Variants in BRWD1 observed in about 807,000 individuals in gnomAD.
BRWD1 encodes bromodomain and WD repeat domain containing 1.
A neutral mutation model predicts 251.2 loss-of-function variants in BRWD1; 82 were observed. That is an observed-to-expected ratio of 0.33 (90% CI 0.27 to 0.39). The LOEUF is 0.39. Ranked by LOEUF, BRWD1 falls within the 10% of genes least tolerant of loss-of-function variation. The pLI is 1.00. For synonymous variants in BRWD1, 918 were observed against 902.8 expected, an observed-to-expected ratio of 1.02 and a Z score of -0.30; for missense variants, 2,233 against 2,711.6, an observed-to-expected ratio of 0.82 and a Z score of 3.92.
intron 37 of BRWD1, among the ~76,000 whole-genome samples, chr21:39,205,677 C>G (rs1471922766): frequency 6.6e-6 from 1 of 152,154 alleles, no homozygotes; most frequent in African/African-American, 2.4e-5. Flanking sequence ...GAGGCTGAGG[C>G]AGGAGAACTG....
chr21:39,237,944 A>G (rs1380320994), intron 22 of BRWD1, among the ~76,000 whole-genome samples: 1 of 152,188 alleles, frequency 6.6e-6, no homozygotes, highest in Non-Finnish European at 1.5e-5. Context: ...GGTTTGAACC[A>G]AACAGTACCA....
At chr21:39,253,286 CAAAAAAAAAAAAA>C (rs57456792) in intron 19 of BRWD1, among the ~76,000 whole-genome samples, 5 of 83,808 alleles carry the variant, frequency 6.0e-5, no homozygotes, top group Admixed American at 2.9e-4. Context: ...GAAACTGTCT[CAAAAAAAAAAAAA>C]AAAAAAAAAA....
At chr21:39,266,360 T>TTCACCCACATGGTC (rs1342589229) in intron 15 of BRWD1, among the ~76,000 whole-genome samples, 2 of 152,174 alleles carry the variant, frequency 1.3e-5, no homozygotes, top group Non-Finnish European at 2.9e-5. Flanking sequence ...AGAACATGGT[T>TTCACCCACATGGTC]TCACCCACAT....
In BRWD1 at chr21:39,258,745, T is replaced by C. The variant is rs1393109149; in HGVS notation, c.1886-73A>G. The C allele has an allele frequency of 4.0e-6, 4 of 995,274 alleles. No individual in the cohort carries two copies. In the East Asian group the frequency reaches 8.5e-5, roughly 21 times the overall value. The allele number at this position is 995,274 out of a possible 1,614,324, so 61.7% of individuals were successfully genotyped here. Reference sequence around the variant, plus strand: ...AAAAAAAATTTCGTTAGGGTACAAATTAAAATACATTAACAATGGTCAGAA... The same window carrying C: ...AAAAAAAATTTCGTTAGGGTACAAACTAAAATACATTAACAATGGTCAGAA... On this transcript the variant is annotated intron_variant, in intron 17 of 40. Coordinates refer to ENST00000342449, the MANE Select transcript of BRWD1 (RefSeq NM_033656.4).
In BRWD1 at chr21:39,196,823, C is replaced by A; in HGVS notation, c.6246G>T (p.Glu2082Asp). The change falls in exon 41 of 41, where the codon GAG becomes GAT. Residue 2082 changes from glutamate (E) to aspartate (D), a missense_variant. Coordinates refer to ENST00000342449, the MANE Select transcript of BRWD1 (RefSeq NM_033656.4). ...AATTCAGTTCCACTTCAAAATTATTCTCTGCAGTAGCTTTTTGTGCCAAGG... is the reference window on the plus strand; with the variant it reads ...AATTCAGTTCCACTTCAAAATTATTATCTGCAGTAGCTTTTTGTGCCAAGG... The part of the protein sequence containing the change: ...ESTLAQKATA[E>D]NNFEVELNYG... 1 of 1,613,434 alleles carries A rather than the reference C, an allele frequency of 6.2e-7. No homozygotes were observed. The highest frequency in any genetic ancestry group is 8.5e-7 in the Non-Finnish European group (1 of 1,179,926).
At chr21:39,316,571 T>C (rs1360563543), upstream of BRWD1, among the ~76,000 whole-genome samples, 1 of 152,202 alleles carries the variant, frequency 6.6e-6, no homozygotes, top group Non-Finnish European at 1.5e-5. Flanking sequence ...AGAATTTATA[T>C]CCCAAGCTCT....
rs117990659 is a variant in BRWD1 at position 39,303,067 on chromosome 21, T to C, written c.199-4485A>G. On this transcript the variant is annotated intron_variant, in intron 4 of 40. Transcript: ENST00000342449. ...GAGACTCCGTCTCAAAAAAAAAGAT[T>C]ACTAGCTCAAAGCGACAGGATGGTG... Among the ~76,000 whole-genome samples the C allele has an allele frequency of 1.3e-4, 20 of 152,042 alleles. No homozygotes were observed. The East Asian group carries it at 3.9e-3, about 30-fold the overall frequency.
At chr21:39,296,452 T>C in intron 5 of BRWD1, 89 bp from the exon 6 acceptor site, 3 of 1,349,624 alleles carry the variant, frequency 2.2e-6, no homozygotes, top group Non-Finnish European at 2.9e-6. Context: ...TGTAATAAAC[T>C]GTTTATTCAA....
In BRWD1 at chr21:39,224,602, A is replaced by AT. The variant is rs1017206265; in HGVS notation, c.3321-134dup. 9 of 587,702 alleles carry AT rather than the reference A, an allele frequency of 1.5e-5. No individual in the cohort carries two copies. The East Asian group carries it at 2.7e-4, about 18-fold the overall frequency. 36.4% of individuals were successfully genotyped at this position (587,702 alleles called of 1,614,324 possible). On this transcript the variant is annotated intron_variant, in intron 28 of 40. Coordinates refer to ENST00000342449, the MANE Select transcript of BRWD1 (RefSeq NM_033656.4). ...GTACAATTTTAAATATTAACAGTAA[A>AT]TTTTTTTAAGAAGGATATATTATTA...
chr21:39,312,225 T>C (rs2036509930), intron 4 of BRWD1, among the ~76,000 whole-genome samples: 1 of 152,216 alleles, frequency 6.6e-6, no homozygotes, highest in Non-Finnish European at 1.5e-5. Flanking sequence ...TTTATTGTGT[T>C]ATCTACAAGA....
intron 36 of BRWD1, among the ~76,000 whole-genome samples, chr21:39,207,876 C>T (rs1461570150): frequency 1.3e-5 from 2 of 152,118 alleles, no homozygotes; most frequent in Non-Finnish European, 2.9e-5. Context: ...AGGCATTACA[C>T]TAAGTGAAAT....
intron 23 of BRWD1, chr21:39,235,934 T>C: frequency 3.5e-5 from 7 of 197,364 alleles, no homozygotes; most frequent in Non-Finnish European, 7.6e-5. Context: ...GCCAGATCTG[T>C]GTCATGTGGT....
Position 39,186,857 on chromosome 21 carries a change from C to T in BRWD1, c.*9402G>A. 4.4e-6 allele frequency: 5 copies of T among 1,141,372 alleles called. No individual in the cohort carries two copies. The highest frequency in any genetic ancestry group is 5.9e-6 in the Non-Finnish European group (5 of 853,914). The allele number at this position is 1,141,372 out of a possible 1,614,324, so 70.7% of individuals were successfully genotyped here. On this transcript the variant is annotated 3_prime_UTR_variant, in exon 41 of 41. Coordinates refer to ENST00000342449, the MANE Select transcript of BRWD1 (RefSeq NM_033656.4). Reference sequence around the variant, plus strand: ...TTCCTCCTCAGAATTCCCCAGAGCACATGTCTGTACAAGAGCTGACTGGGA... The same window carrying T: ...TTCCTCCTCAGAATTCCCCAGAGCATATGTCTGTACAAGAGCTGACTGGGA...
chr21:39,203,626 C>A (rs2032233270), intron 37 of BRWD1, among the ~76,000 whole-genome samples: 2 of 150,742 alleles, frequency 1.3e-5, no homozygotes, highest in African/African-American at 4.9e-5. Context: ...CCAGGATGGT[C>A]TCGATCTCCT....
At chr21:39,272,136 T>G (rs7283569) in intron 13 of BRWD1, among the ~76,000 whole-genome samples, 45,684 of 149,906 alleles carry the variant, frequency 0.3, 7,392 homozygotes, top group Middle Eastern at 0.36. Context: ...TAGAATAATA[T>G]TAAGAAGTAA....
At chr21:39,224,239 T>A (rs530240986) in intron 29 of BRWD1, among the ~76,000 whole-genome samples, 169 bp downstream of exon 29, 1 of 152,238 alleles carries the variant, frequency 6.6e-6, no homozygotes, top group Non-Finnish European at 1.5e-5. Context: ...AGGTCAAGAA[T>A]TAACAAAACA....
rs2031525331 is a variant in BRWD1, at chr21:39,191,030, C to T, written c.*5229G>A. On this transcript the variant is annotated 3_prime_UTR_variant, in exon 41 of 41. Transcript: ENST00000342449. ...TTTTTAATAAAAATCTCATAAAAGC[C>T]TTATTTTGAAATATGAATTCAGGGA... 1 of 985,078 alleles carries T rather than the reference C, an allele frequency of 1.0e-6. No individual in the cohort carries two copies. The highest frequency in any genetic ancestry group is 1.7e-5 in the African/African-American group (1 of 57,194). The allele number at this position is 985,078 out of a possible 1,614,324, so 61.0% of individuals were successfully genotyped here.
chr21:39,212,568 C>T (rs1372572359), intron 34 of BRWD1, 98 bp downstream of exon 34: 2 of 919,528 alleles, frequency 2.2e-6, no homozygotes, highest in African/African-American at 3.4e-5. Context: ...TCAGTATCTA[C>T]ACTGATATAA....
chr21:39,216,786 ATT>A, intron 31 of BRWD1: 2 of 309,724 alleles, frequency 6.5e-6, no homozygotes, highest in South Asian at 7.2e-5. Flanking sequence ...ACAGAAATAT[ATT>A]TTTTTTAACT....
Sources: gnomAD v4.1 joint callset for allele counts (sites outside exome capture counted in the v4.1 genomes callset) on GRCh38, gnomAD v4.1.1 for gene constraint, MANE v1.5 for transcripts, NCBI Gene and HGNC (gene_info 2026-07-23, HGNC 2026-07-21) for gene names.